Variants in RGS12 observed in about 807,000 individuals in gnomAD.
RGS12 encodes the protein regulator of G-protein signaling 12.
A neutral mutation model predicts 120.1 loss-of-function variants in RGS12; 66 were observed. The ratio of observed to expected loss-of-function variants is 0.55; its 90% CI spans 0.45 to 0.67. The LOEUF (loss-of-function observed/expected upper bound fraction) is 0.67. Among genes scored for constraint, RGS12 ranks in the 30% least tolerant of loss-of-function variants. The pLI is 0.00. For synonymous variants in RGS12, 827 were observed against 804.7 expected (o/e 1.03, Z -0.47); for missense variants, 1,859 against 1,957.7 (o/e 0.95, Z 0.95).
rs895608811 is a variant in RGS12 at position 3,317,884 on chromosome 4, C to T, written c.1714C>T (p.Leu572=). 1 of 1,613,754 alleles carries T rather than the reference C, an allele frequency of 6.2e-7. No homozygotes were observed. Among genetic ancestry groups the T allele is most frequent in the Non-Finnish European group, 8.5e-7 (1 of 1,179,990 alleles). Residue 572 remains leucine, a synonymous_variant, in exon 2 of 18, where the codon CTG becomes TTG. Coordinates refer to ENST00000336727, the MANE Select transcript of RGS12 (RefSeq NM_001394154.1). ...DGWSSINCGT[L]PPPMSKIPAD... Reference sequence around the variant, plus strand: ...CTGGTCCAGCATCAACTGCGGCACACTGCCCCCTCCTATGAGCAAGATCCC... The same window carrying T: ...CTGGTCCAGCATCAACTGCGGCACATTGCCCCCTCCTATGAGCAAGATCCC...
In RGS12 at chr4:3,433,060, G is replaced by T. The variant is rs1213979703; in HGVS notation, c.4114+2105G>T. On this transcript the variant is annotated intron_variant, in intron 17 of 17. Coordinates refer to ENST00000336727, the MANE Select transcript of RGS12 (RefSeq NM_001394154.1). This position sits in a 1 kb window ranked among gnomAD's most constrained non-coding sequence, Gnocchi z 4.4. The stretch of plus-strand genomic sequence containing the variant: ...TTGGAGAGTTCACCTGCCCATGGCG[G>T]CAAAGGAAACAGGCTGTGAATGCCG... 6.6e-6 allele frequency among the ~76,000 whole-genome samples: 1 copy of T among 152,234 alleles called. No homozygotes were observed. The highest frequency in any genetic ancestry group is 2.4e-5 in the African/African-American group (1 of 41,458).
At chr4:3,380,177 A>G (rs1718113182) in intron 3 of RGS12, among the ~76,000 whole-genome samples, 1 of 152,166 alleles carries the variant, frequency 6.6e-6, no homozygotes, top group African/African-American at 2.4e-5. Flanking sequence ...CCAAAATGCA[A>G]TAGGGCAGTC....
chr4:3,331,650 A>G (rs1227969094), intron 2 of RGS12, among the ~76,000 whole-genome samples: 2 of 151,964 alleles, frequency 1.3e-5, no homozygotes, highest in African/African-American at 4.8e-5. Flanking sequence ...TAAAAGGGTC[A>G]CAGCTCAGGC....
At chr4:3,367,098 G>C (rs1425009946) in intron 3 of RGS12, among the ~76,000 whole-genome samples, 1 of 152,208 alleles carries the variant, frequency 6.6e-6, no homozygotes, top group Non-Finnish European at 1.5e-5. Flanking sequence ...GCTCAGGACA[G>C]ACCCCTGGGG....
chr4:3,396,914 G>T (rs6839180), intron 4 of RGS12, among the ~76,000 whole-genome samples: 11,491 of 146,082 alleles, frequency 0.079, 1,101 homozygotes, highest in African/African-American at 0.23. Flanking sequence ...GACAATTGGG[G>T]TTTTTTTTTT....
rs911287934 is a variant in RGS12, at chr4:3,374,382, G to A, written c.1999-12034G>A. On this transcript the variant is annotated intron_variant, in intron 3 of 17. Transcript: ENST00000336727. This position sits in a 1 kb window ranked among gnomAD's most constrained non-coding sequence, Gnocchi z 6.3. ...GCTGGGCGGGGACCGGTCTCCTTCCGCCACCACCTTCCACGACAGGCTCGA... is the reference window on the plus strand; with the variant it reads ...GCTGGGCGGGGACCGGTCTCCTTCCACCACCACCTTCCACGACAGGCTCGA... Among the ~76,000 whole-genome samples the A allele has an allele frequency of 2.6e-5, 4 of 152,042 alleles. No individual in the cohort carries two copies. The highest frequency in any genetic ancestry group is 7.2e-5 in the African/African-American group (3 of 41,402).
chr4:3,360,776 A>G (rs1301671894), intron 3 of RGS12, among the ~76,000 whole-genome samples: 3 of 152,208 alleles, frequency 2.0e-5, no homozygotes, highest in African/African-American at 7.2e-5. Flanking sequence ...AAGAAGGGCG[A>G]GAGGACAGTG....
intron 3 of RGS12, among the ~76,000 whole-genome samples, chr4:3,356,977 C>G (rs1052945252): frequency 2.0e-5 from 3 of 152,156 alleles, no homozygotes; most frequent in African/African-American, 4.8e-5. Flanking sequence ...GTACTGTTTT[C>G]CATAGTGGCT....
Position 3,382,818 on chromosome 4 carries a change from A to G in RGS12, c.1999-3598A>G, listed in dbSNP as rs899480507. Among the ~76,000 whole-genome samples the G allele has an allele frequency of 7.9e-5, 12 of 152,130 alleles. 1 individual carries two copies. The highest frequency in any genetic ancestry group is 6.2e-4 in the South Asian group (3 of 4,826). On this transcript the variant is annotated intron_variant, in intron 3 of 17. Coordinates refer to ENST00000336727, the MANE Select transcript of RGS12 (RefSeq NM_001394154.1). ...CTGTATTTTCACTGTCGGACATTCCATATGGTTCTGTTTCCGACCTGCACT... is the reference window on the plus strand; with the variant it reads ...CTGTATTTTCACTGTCGGACATTCCGTATGGTTCTGTTTCCGACCTGCACT...
chr4:3,419,811 G>T (rs920161611), intron 9 of RGS12, among the ~76,000 whole-genome samples: 8 of 152,240 alleles, frequency 5.3e-5, no homozygotes, highest in Admixed American at 6.5e-5. Flanking sequence ...ACACAGCGAC[G>T]CTCTGTCTCT....
chr4:3,405,874 T>C (rs1016655585), intron 4 of RGS12, among the ~76,000 whole-genome samples: 4 of 151,998 alleles, frequency 2.6e-5, no homozygotes, highest in African/African-American at 7.2e-5. Flanking sequence ...ATTATTCTTA[T>C]AATTTTTCTG....
At chr4:3,382,776 ATC>A (rs1718399701) in intron 3 of RGS12, among the ~76,000 whole-genome samples, 1 of 152,124 alleles carries the variant, frequency 6.6e-6, no homozygotes, top group African/African-American at 2.4e-5. Flanking sequence ...TTCCTATTGA[ATC>A]TTTAACTTCA....
At chr4:3,307,831 G>T (rs1223083254) in intron 1 of RGS12, among the ~76,000 whole-genome samples, 1 of 152,274 alleles carries the variant, frequency 6.6e-6, no homozygotes, top group Admixed American at 6.5e-5. Context: ...TCTACACTCA[G>T]AAGGTCCTGC....
chr4:3,368,486 AGGTGCCTGTGTGTGTGTG>A (rs1229147425), intron 3 of RGS12, among the ~76,000 whole-genome samples: 6 of 42,252 alleles, frequency 1.4e-4, no homozygotes, highest in Admixed American at 6.1e-4. Context: ...CCTGTGTGTG[AGGTGCCTGTGTGTGTGTG>A]GGTGCCTGTG....
Position 3,317,707 on chromosome 4 carries a change from G to T in RGS12, c.1537G>T (p.Ala513Ser). ...AGCCTCTCCTGTGGAGGTGCCCCCA[G>T]CTTCCTTGAGGAGCTCAGTCCCCCC... ...GPASPVEVPP[A>S]SLRSSVPPSK... The change falls in exon 2 of 18, where the codon GCT (alanine) becomes TCT (serine). Residue 513 changes from alanine to serine, a missense_variant. Ala to Ser is a moderately conservative substitution (Grantham distance 99). Coordinates refer to ENST00000336727, the MANE Select transcript of RGS12 (RefSeq NM_001394154.1). 6.2e-7 allele frequency: 1 copy of T among 1,612,848 alleles called. No homozygotes were observed. Among genetic ancestry groups the T allele is most frequent in the Non-Finnish European group, 8.5e-7 (1 of 1,179,532 alleles).
intron 1 of RGS12, among the ~76,000 whole-genome samples, chr4:3,302,644 G>C (rs1309243208): frequency 6.6e-6 from 1 of 152,250 alleles, no homozygotes; most frequent in Non-Finnish European, 1.5e-5. Context: ...GAAAGCCCCG[G>C]AAGGCTGTGG....
At chr4:3,347,611 T>A (rs970627018) in intron 3 of RGS12, among the ~76,000 whole-genome samples, 3 of 152,254 alleles carry the variant, frequency 2.0e-5, no homozygotes, top group Non-Finnish European at 4.4e-5. Flanking sequence ...CAAATTCATC[T>A]GTTTCCTTAT....
At chr4:3,330,449 T>G (rs1187134240) in intron 2 of RGS12, among the ~76,000 whole-genome samples, 2 of 152,220 alleles carry the variant, frequency 1.3e-5, no homozygotes, top group African/African-American at 2.4e-5. Context: ...CCTCCTTGCC[T>G]TCTTCCTTCA....
intron 2 of RGS12, among the ~76,000 whole-genome samples, chr4:3,339,326 A>G (rs1347549105): frequency 6.6e-6 from 1 of 152,206 alleles, no homozygotes; most frequent in Non-Finnish European, 1.5e-5. Context: ...TACAAAAAAT[A>G]CAAACATTAG....
Sources: allele counts gnomAD v4.1 joint callset (sites outside exome capture counted in the v4.1 genomes callset), GRCh38; gene constraint gnomAD v4.1.1; non-coding constraint Gnocchi (gnomAD v3.1); transcripts MANE v1.5; gene names NCBI Gene and HGNC (gene_info 2026-07-23, HGNC 2026-07-21).